The following ARV1 variants were observed in gnomAD, a reference collection of about 807,000 sequenced individuals.
ARV1 encodes protein ARV1.
ARV1 carries 26 observed loss-of-function variants against 31.1 expected under a neutral mutation model. The ratio of observed to expected loss-of-function variants is 0.84; its 90% CI spans 0.61 to 1.16. The LOEUF is 1.16. Among genes scored for constraint, ARV1 ranks in the 50% most tolerant of loss-of-function variants. The pLI is 0.00. For synonymous variants in ARV1, 117 were observed against 123.2 expected (o/e 0.95, Z 0.34); for missense variants, 281 against 324.9 (o/e 0.86, Z 1.04).
intron 4 of ARV1, 72 bp downstream of exon 4, chr1:230,996,056 G>A (rs1679357022): frequency 2.3e-6 from 3 of 1,307,098 alleles, no homozygotes; most frequent in South Asian, 2.6e-5. Flanking sequence ...TTTCTGGGGT[G>A]CAGTTTTTAT....
intron 3 of ARV1, among the ~76,000 whole-genome samples, chr1:230,995,489 T>A (rs1679334125): frequency 6.6e-6 from 1 of 152,022 alleles, no homozygotes; most frequent in Non-Finnish European, 1.5e-5. Flanking sequence ...AGAAAGTTGA[T>A]GATTACAATT....
chr1:230,985,940 G>A (rs996049772), intron 1 of ARV1, among the ~76,000 whole-genome samples: 2 of 150,024 alleles, frequency 1.3e-5, no homozygotes, highest in African/African-American at 2.5e-5. Flanking sequence ...TTTTTGAGAC[G>A]GAATCTTGCT....
intron 1 of ARV1, among the ~76,000 whole-genome samples, chr1:230,981,773 C>A (rs546001805): frequency 4.1e-4 from 62 of 152,198 alleles, no homozygotes; most frequent in Non-Finnish European, 5.6e-4. Flanking sequence ...CTTATAAGGC[C>A]CTATGGAGTC....
intron 1 of ARV1, among the ~76,000 whole-genome samples, chr1:230,980,727 C>G (rs1678875904): frequency 6.7e-6 from 1 of 149,086 alleles, no homozygotes; most frequent in Non-Finnish European, 1.5e-5. Flanking sequence ...TCTGCTGGAT[C>G]ATTCCCACCA....
chr1:230,993,909 A>G (rs1679294962), intron 3 of ARV1, among the ~76,000 whole-genome samples: 1 of 152,232 alleles, frequency 6.6e-6, no homozygotes, highest in Non-Finnish European at 1.5e-5. Flanking sequence ...AACTAAAAGA[A>G]TATCTTACAT....
At chr1:230,979,462 G>A (rs531762932) in intron 1 of ARV1, 183 bp downstream of exon 1, 17 of 684,112 alleles carry the variant, frequency 2.5e-5, no homozygotes, top group South Asian at 2.4e-4. Flanking sequence ...TTCTCATACT[G>A]GGGCATATTT....
chr1:230,979,954 G>T (rs1678806288), intron 1 of ARV1, among the ~76,000 whole-genome samples: 1 of 152,136 alleles, frequency 6.6e-6, no homozygotes, highest in African/African-American at 2.4e-5. Flanking sequence ...AAAGTTGGAG[G>T]TTCTTTGGGG....
rs1290170509 is a variant in ARV1 at position 230,997,148 on chromosome 1, CCTT to C, written c.705_707del (p.Phe235del). The C allele has an allele frequency of 2.5e-6, 4 of 1,614,132 alleles. No individual in the cohort carries two copies. The highest frequency in any genetic ancestry group is 1.6e-4 in the Middle Eastern group (1 of 6,062). ...ACCCTAAACATCAACCGTAAGCTCTCCTTCTTGGCCGTGTTGAGTGGCTTACTG... is the reference window on the plus strand; with the variant it reads ...ACCCTAAACATCAACCGTAAGCTCTCCTTGGCCGTGTTGAGTGGCTTACTG... On this transcript the variant is annotated inframe_deletion, in exon 5 of 6. Coordinates refer to ENST00000310256, the MANE Select transcript of ARV1 (RefSeq NM_022786.3).
intron 3 of ARV1, among the ~76,000 whole-genome samples, chr1:230,992,008 C>A (rs1679241407): frequency 6.6e-6 from 1 of 152,188 alleles, no homozygotes; most frequent in Non-Finnish European, 1.5e-5. Context: ...CATCCTTCAC[C>A]TGCATGACTA....
At position 230,983,806 on chromosome 1, in the gene ARV1, C is replaced by T. The variant is rs1678978243; in HGVS notation, c.175-4514C>T. On this transcript the variant is annotated intron_variant, in intron 1 of 5. Transcript: ENST00000310256. ...TCCATGTTTAGACAGGTGATGGAAG[C>T]AGCCTGAATTCCCAGAGTATGCTTG... Among the ~76,000 whole-genome samples the T allele has an allele frequency of 3.9e-5, 6 of 152,350 alleles. No homozygotes were observed. In the South Asian group the frequency reaches 1.2e-3, roughly 32 times the overall value.
chr1:230,993,966 T>C (rs1395739856), intron 3 of ARV1, among the ~76,000 whole-genome samples: 1 of 152,234 alleles, frequency 6.6e-6, no homozygotes, highest in African/African-American at 2.4e-5. Flanking sequence ...AGGAATTATT[T>C]AATTTTCACA....
chr1:230,990,400 AC>A, intron 3 of ARV1, 137 bp downstream of exon 3: 1 of 1,098,250 alleles, frequency 9.1e-7, no homozygotes, highest in Non-Finnish European at 1.3e-6. Context: ...TTTCAGCTCT[AC>A]CACTACTAAC....
chr1:230,999,263 G>T (rs1679459950), intron 5 of ARV1, among the ~76,000 whole-genome samples: 1 of 152,156 alleles, frequency 6.6e-6, no homozygotes, highest in African/African-American at 2.4e-5. Flanking sequence ...TCCTGTTGAA[G>T]CAGAGTCCTT....
intron 3 of ARV1, among the ~76,000 whole-genome samples, chr1:230,992,285 T>G (rs1679249012): frequency 1.3e-5 from 2 of 152,178 alleles, no homozygotes; most frequent in African/African-American, 4.8e-5. Flanking sequence ...TCAGAAACAC[T>G]GGATGAGCTT....
chr1:230,992,778 CTACTTTAGG>C (rs1232133851), intron 3 of ARV1, among the ~76,000 whole-genome samples: 1 of 152,268 alleles, frequency 6.6e-6, no homozygotes, highest in East Asian at 1.9e-4. Flanking sequence ...GTGCCAGTTA[CTACTTTAGG>C]TACTTTAGGT....
In ARV1 at chr1:230,994,137, G is replaced by A. The variant is rs576502369; in HGVS notation, c.449-1623G>A. Among the ~76,000 whole-genome samples the A allele has an allele frequency of 1.6e-4, 25 of 152,298 alleles. No homozygotes were observed. In the South Asian group the frequency reaches 4.1e-3, roughly 25 times the overall value. On this transcript the variant is annotated intron_variant, in intron 3 of 5. Coordinates refer to ENST00000310256, the MANE Select transcript of ARV1 (RefSeq NM_022786.3). Reference sequence around the variant, plus strand: ...TTTTCCACACTGGAGTATTCTATACGTAGGTAGCAGCTCCTTCTGAACTGA... The same window carrying A: ...TTTTCCACACTGGAGTATTCTATACATAGGTAGCAGCTCCTTCTGAACTGA...
chr1:230,984,735 TAAAC>T (rs1679014905), intron 1 of ARV1, among the ~76,000 whole-genome samples: 1 of 152,156 alleles, frequency 6.6e-6, no homozygotes, highest in African/African-American at 2.4e-5. Context: ...TACAGAGAGA[TAAAC>T]AACTTAAAAG....
intron 3 of ARV1, among the ~76,000 whole-genome samples, chr1:230,993,260 T>TA (rs925817786): frequency 2.4e-4 from 36 of 148,866 alleles, no homozygotes; most frequent in East Asian, 1.2e-3. Flanking sequence ...CTGGCTAATT[T>TA]AAAAAAAAAA....
intron 1 of ARV1, among the ~76,000 whole-genome samples, chr1:230,980,876 G>A (rs1678894159): frequency 6.6e-6 from 1 of 151,286 alleles, no homozygotes; most frequent in Admixed American, 6.6e-5. Context: ...AGATATGTTT[G>A]TACTGTCTAT....
Sources: gnomAD v4.1 joint callset for allele counts (sites outside exome capture counted in the v4.1 genomes callset) on GRCh38, gnomAD v4.1.1 for gene constraint, MANE v1.5 for transcripts, NCBI Gene and HGNC (gene_info 2026-07-23, HGNC 2026-07-21) for gene names.